Variants in GALNT13 observed in about 807,000 individuals in gnomAD.
GALNT13 encodes the protein UDP-GalNAc:polypeptide N-acetylgalactosaminyltransferase 13.
A neutral mutation model predicts 64.2 loss-of-function variants in GALNT13; 28 were observed. The observed-to-expected ratio is 0.44, with a 90% CI of 0.32 to 0.60. The LOEUF is 0.60. GALNT13 is among the 20% of genes least tolerant of loss of function. GALNT13 has a pLI of 0.05. For missense variants in GALNT13, 577 were observed against 669.8 expected (o/e 0.86, Z 1.53); for synonymous variants, 214 against 224.6 (o/e 0.95, Z 0.42).
the GALNT13 span, among the ~76,000 whole-genome samples, chr2:153,419,990 T>A: frequency 6.6e-6 from 1 of 152,098 alleles, no homozygotes; most frequent in African/African-American, 2.4e-5. Context: ...ATTATGAATG[T>A]GAAGAAATGG....
chr2:154,110,157 T>A (rs1227572769), intron 3 of GALNT13, among the ~76,000 whole-genome samples: 3 of 151,054 alleles, frequency 2.0e-5, no homozygotes, highest in Non-Finnish European at 4.4e-5. Context: ...ATGTTTGCAT[T>A]TTGTATGTCT....
the GALNT13 span, among the ~76,000 whole-genome samples, chr2:153,259,004 G>C: frequency 6.6e-6 from 1 of 152,118 alleles, no homozygotes; most frequent in African/African-American, 2.4e-5. Flanking sequence ...TTTCTTTGTC[G>C]GTTCTCTTTC....
chr2:153,866,547 A>C, the GALNT13 span, among the ~76,000 whole-genome samples: 1 of 152,322 alleles, frequency 6.6e-6, no homozygotes, highest in South Asian at 2.1e-4. Context: ...ATAAGGCTTT[A>C]TGGATAATAA....
chr2:153,636,250 AT>A, the GALNT13 span, among the ~76,000 whole-genome samples: 5 of 152,170 alleles, frequency 3.3e-5, no homozygotes, highest in African/African-American at 1.2e-4. Flanking sequence ...TTACCTAGTT[AT>A]TTTTTAATAT....
chr2:154,046,679 G>T (rs1050546529), intron 3 of GALNT13, among the ~76,000 whole-genome samples: 6 of 152,164 alleles, frequency 3.9e-5, no homozygotes, highest in African/African-American at 1.4e-4. Flanking sequence ...AGATGTGACT[G>T]CTTTACTATG....
At chr2:153,308,707 C>T in the GALNT13 span, among the ~76,000 whole-genome samples, 3 of 152,048 alleles carry the variant, frequency 2.0e-5, no homozygotes, top group Non-Finnish European at 4.4e-5. Context: ...AGTCACAGAA[C>T]TAATGTTATG....
At chr2:153,806,275 A>C in the GALNT13 span, among the ~76,000 whole-genome samples, 4,903 of 152,170 alleles carry the variant, frequency 0.032, 143 homozygotes, top group East Asian at 0.13. Context: ...CAATTTGAAG[A>C]AGCTCCCACT....
chr2:153,440,631 A>G, the GALNT13 span, among the ~76,000 whole-genome samples: 5 of 152,112 alleles, frequency 3.3e-5, no homozygotes, highest in South Asian at 1.0e-3. Flanking sequence ...TAACTTTTTA[A>G]TGATCGCCAT....
At chr2:154,349,254 G>T (rs1360880195) in intron 9 of GALNT13, among the ~76,000 whole-genome samples, 1 of 152,176 alleles carries the variant, frequency 6.6e-6, no homozygotes, top group Non-Finnish European at 1.5e-5. Flanking sequence ...GATGGGATAT[G>T]TCATTAGATT....
At chr2:153,619,827 T>C in the GALNT13 span, among the ~76,000 whole-genome samples, 13 of 152,134 alleles carry the variant, frequency 8.5e-5, no homozygotes, top group African/African-American at 3.1e-4. Context: ...TTTGGATCTC[T>C]ATTGTAGGTT....
At chr2:153,871,496 A>G (rs1685931852), upstream of GALNT13, among the ~76,000 whole-genome samples, 1 of 152,172 alleles carries the variant, frequency 6.6e-6, no homozygotes, top group Admixed American at 6.5e-5. Flanking sequence ...CCCCGAGGGC[A>G]GTCTCTGATC....
At chr2:153,731,537 A>T in the GALNT13 span, among the ~76,000 whole-genome samples, 1 of 151,970 alleles carries the variant, frequency 6.6e-6, no homozygotes, top group African/African-American at 2.4e-5. Flanking sequence ...TGGCTCCATT[A>T]ACTTACTCAT....
At chr2:153,404,850 T>G in the GALNT13 span, among the ~76,000 whole-genome samples, 1 of 152,238 alleles carries the variant, frequency 6.6e-6, no homozygotes, top group Non-Finnish European at 1.5e-5. Context: ...AGTTGAGAAT[T>G]AATTTTCCCA....
chr2:153,722,316 A>C, the GALNT13 span, among the ~76,000 whole-genome samples: 1 of 143,462 alleles, frequency 7.0e-6, no homozygotes, highest in East Asian at 2.0e-4. Flanking sequence ...CAGTGTGTAG[A>C]GGGAAATTTA....
At chr2:153,071,895 C>A in the GALNT13 span, among the ~76,000 whole-genome samples, 7 of 152,218 alleles carry the variant, frequency 4.6e-5, no homozygotes, top group Non-Finnish European at 7.4e-5. Flanking sequence ...TAAAATAGTT[C>A]TATCTGGTTC....
the GALNT13 span, among the ~76,000 whole-genome samples, chr2:153,200,470 C>T: frequency 2.6e-5 from 4 of 152,126 alleles, no homozygotes; most frequent in East Asian, 1.9e-4. Flanking sequence ...GTGTCAGGTC[C>T]GGCCAGGGGC....
intron 3 of GALNT13, among the ~76,000 whole-genome samples, chr2:153,975,687 A>G (rs1056888746): frequency 6.6e-6 from 1 of 152,088 alleles, no homozygotes; most frequent in Admixed American, 6.6e-5. Flanking sequence ...TTCAATAGAG[A>G]GTTGTTGGCC....
At chr2:153,401,790 TC>T in the GALNT13 span, among the ~76,000 whole-genome samples, 1 of 151,680 alleles carries the variant, frequency 6.6e-6, no homozygotes, top group Non-Finnish European at 1.5e-5. Context: ...TAGATCTTTC[TC>T]CATCCTTTTA....
At chr2:153,108,807 G>A in the GALNT13 span, among the ~76,000 whole-genome samples, 3 of 152,086 alleles carry the variant, frequency 2.0e-5, no homozygotes, top group Non-Finnish European at 4.4e-5. Context: ...GCCAAGGGGA[G>A]GTCATATATT....
Sources: gnomAD v4.1 joint callset for allele counts (sites outside exome capture counted in the v4.1 genomes callset) on GRCh38, gnomAD v4.1.1 for gene constraint, MANE v1.5 for transcripts, NCBI Gene and HGNC (gene_info 2026-07-23, HGNC 2026-07-21) for gene names.